Variants in NAA11 observed in about 807,000 individuals in gnomAD.
NAA11 encodes N-alpha-acetyltransferase 11, NatA catalytic subunit.
In NAA11, 15 loss-of-function variants were observed where a neutral mutation model predicts 16.1. The observed-to-expected ratio is 0.93, with a 90% confidence interval of 0.62 to 1.44. The LOEUF is 1.44. Ranked by LOEUF, NAA11 falls within the 40% of genes most tolerant of loss-of-function variation. The pLI, the probability that NAA11 is intolerant of heterozygous loss-of-function variation, is 0.00. For synonymous variants in NAA11, 122 were observed against 112.4 expected, an observed-to-expected ratio of 1.09 and a Z score of -0.54; for missense variants, 298 against 291.3, an observed-to-expected ratio of 1.02 and a Z score of -0.17.
At chr4:79,270,679 C>T (rs567186325) in intron 2 of NAA11, among the ~76,000 whole-genome samples, 5 of 87,568 alleles carry the variant, frequency 5.7e-5, no homozygotes, top group Middle Eastern at 4.7e-3. Context: ...GCTTATCCAC[C>T]ATGATCAAGT....
At chr4:79,230,872 C>T (rs1721446287) in intron 2 of NAA11, among the ~76,000 whole-genome samples, 1 of 151,990 alleles carries the variant, frequency 6.6e-6, no homozygotes, top group African/African-American at 2.4e-5. Context: ...TCTACTCTCC[C>T]ATTGGAATTA....
chr4:79,181,292 A>G, the NAA11 span, among the ~76,000 whole-genome samples: 1 of 151,456 alleles, frequency 6.6e-6, no homozygotes, highest in Non-Finnish European at 1.5e-5. Flanking sequence ...TCCCATAGGC[A>G]AAGGCAAAGA....
the NAA11 span, among the ~76,000 whole-genome samples, chr4:79,216,914 A>C: frequency 6.6e-6 from 1 of 152,192 alleles, no homozygotes; most frequent in Non-Finnish European, 1.5e-5. Flanking sequence ...GAATTTTTCC[A>C]CCAAACATAT....
chr4:79,320,881 T>C (rs1283579139), intron 1 of NAA11, among the ~76,000 whole-genome samples: 1 of 152,224 alleles, frequency 6.6e-6, no homozygotes, highest in Non-Finnish European at 1.5e-5. Context: ...TTTTGCAGTA[T>C]GAGCCTTTTA....
At chr4:79,305,535 G>A (rs1723551619) in intron 1 of NAA11, among the ~76,000 whole-genome samples, 1 of 152,162 alleles carries the variant, frequency 6.6e-6, no homozygotes. Flanking sequence ...TGTGCATCTG[G>A]GTAGGATGCT....
intron 2 of NAA11, among the ~76,000 whole-genome samples, chr4:79,228,382 T>C (rs975281313): frequency 1.8e-4 from 28 of 152,146 alleles, no homozygotes; most frequent in Admixed American, 1.6e-3. Context: ...TTCATTCTCA[T>C]TGGTGCACAG....
the NAA11 span, among the ~76,000 whole-genome samples, chr4:79,201,784 A>C: frequency 1.9e-4 from 29 of 151,744 alleles, no homozygotes; most frequent in Non-Finnish European, 3.8e-4. Context: ...ATAAATAATG[A>C]ATTTTTAAAG....
At chr4:79,310,389 C>A (rs1723735035) in intron 1 of NAA11, among the ~76,000 whole-genome samples, 1 of 152,222 alleles carries the variant, frequency 6.6e-6, no homozygotes, top group Admixed American at 6.5e-5. Context: ...CGCAACAACT[C>A]TACAGTTCCT....
the NAA11 span, among the ~76,000 whole-genome samples, chr4:79,167,132 T>TTA: frequency 0.048 from 834 of 17,264 alleles, 201 homozygotes; most frequent in South Asian, 0.24. Flanking sequence ...ACAGCTTATT[T>TTA]TATATATATA....
intron 1 of NAA11, among the ~76,000 whole-genome samples, chr4:79,302,025 G>A (rs938871402): frequency 1.2e-4 from 18 of 152,008 alleles, no homozygotes; most frequent in African/African-American, 4.3e-4. Flanking sequence ...CTATTTAGTT[G>A]GTTTATTTGG....
At chr4:79,304,819 C>G (rs1353825744) in intron 1 of NAA11, among the ~76,000 whole-genome samples, 2 of 152,062 alleles carry the variant, frequency 1.3e-5, no homozygotes, top group Non-Finnish European at 2.9e-5. Context: ...TTGAGAACCC[C>G]TCTTGAGCCC....
intron 2 of NAA11, among the ~76,000 whole-genome samples, chr4:79,261,217 T>C (rs918991618): frequency 6.6e-6 from 1 of 152,202 alleles, no homozygotes; most frequent in Non-Finnish European, 1.5e-5. Context: ...CTTGATGACA[T>C]TGGAAAATTT....
At chr4:79,160,619 G>C in the NAA11 span, among the ~76,000 whole-genome samples, 1 of 152,042 alleles carries the variant, frequency 6.6e-6, no homozygotes, top group Non-Finnish European at 1.5e-5. Context: ...TGATTTTTTA[G>C]TATCTTTTTA....
chr4:79,279,082 C>G (rs948333919), intron 2 of NAA11, among the ~76,000 whole-genome samples: 2 of 152,074 alleles, frequency 1.3e-5, no homozygotes, highest in Admixed American at 6.6e-5. Flanking sequence ...CCTCTTTACA[C>G]TGTTGTATTG....
At chr4:79,300,182 A>T (rs1723344457) in intron 1 of NAA11, among the ~76,000 whole-genome samples, 1 of 152,346 alleles carries the variant, frequency 6.6e-6, no homozygotes, top group East Asian at 1.9e-4. Context: ...GATGTAGGCA[A>T]TGATTTTCCT....
At chr4:79,167,270 T>TATAG in the NAA11 span, among the ~76,000 whole-genome samples, 1,924 of 98,452 alleles carry the variant, frequency 0.02, 39 homozygotes, top group East Asian at 0.063. Context: ...TATATATATA[T>TATAG]AGAGAGAGAG....
chr4:79,306,395 A>G (rs1723580082), intron 1 of NAA11, among the ~76,000 whole-genome samples: 1 of 152,110 alleles, frequency 6.6e-6, no homozygotes, highest in Admixed American at 6.6e-5. Context: ...TTCTCCCTGT[A>G]TCTTCACACA....
At chr4:79,190,630 C>T in the NAA11 span, among the ~76,000 whole-genome samples, 1 of 152,078 alleles carries the variant, frequency 6.6e-6, no homozygotes, top group Non-Finnish European at 1.5e-5. Flanking sequence ...ATTTATCCCC[C>T]TGGAGGAGCT....
At chr4:79,297,878 T>TG (rs1723268998) in intron 1 of NAA11, among the ~76,000 whole-genome samples, 3 of 152,134 alleles carry the variant, frequency 2.0e-5, no homozygotes, top group African/African-American at 7.2e-5. Flanking sequence ...GCCTGAAGGC[T>TG]GGGGGGCAGG....
Sources: gnomAD v4.1 joint callset for allele counts (sites outside exome capture counted in the v4.1 genomes callset) on GRCh38, gnomAD v4.1.1 for gene constraint, MANE v1.5 for transcripts, NCBI Gene and HGNC (gene_info 2026-07-23, HGNC 2026-07-21) for gene names.